The following PLCH1 variants were observed in gnomAD, a reference collection of about 807,000 sequenced individuals.
The protein encoded by PLCH1 is 1-phosphatidylinositol 4,5-bisphosphate phosphodiesterase eta-1.
PLCH1 carries 60 observed loss-of-function variants against 126.7 expected under a neutral mutation model. The ratio of observed to expected loss-of-function variants is 0.47; its 90% CI spans 0.38 to 0.59. The LOEUF (loss-of-function observed/expected upper bound fraction) is 0.59. Among genes scored for constraint, PLCH1 ranks in the 20% least tolerant of loss-of-function variants. The pLI is 0.00. For missense variants in PLCH1, 1,723 were observed against 2,040.0 expected (o/e 0.84, Z 2.99); for synonymous variants, 719 against 734.9 (o/e 0.98, Z 0.35).
At chr3:155,546,624 C>T (rs1455576463) in intron 10 of PLCH1, among the ~76,000 whole-genome samples, 1 of 152,148 alleles carries the variant, frequency 6.6e-6, no homozygotes, top group Admixed American at 6.5e-5. Context: ...CATCACGCTG[C>T]CTGACTTCAA....
intron 2 of PLCH1, among the ~76,000 whole-genome samples, chr3:155,601,022 T>C (rs1234606854): frequency 1.3e-5 from 2 of 152,232 alleles, no homozygotes; most frequent in South Asian, 4.1e-4. Flanking sequence ...TAGCCCAGGC[T>C]GGAGTGCAGT....
rs143942441 is a variant in PLCH1 at position 155,624,642 on chromosome 3, A to T, written c.80-28264T>A. Among the ~76,000 whole-genome samples, 774 of 152,292 alleles carry T rather than the reference A, an allele frequency of 5.1e-3. 8 individuals are homozygous for T. The highest frequency in any genetic ancestry group is 0.018 in the African/African-American group (738 of 41,538). ...AACCATGAGTGAACTCCCATTCACA[A>T]TTGCTACAAGGAGAATAAAATACCT... On this transcript the variant is annotated intron_variant, in intron 2 of 22. Transcript: ENST00000460012.
At chr3:155,689,903 A>T (rs1046332451) in intron 2 of PLCH1, among the ~76,000 whole-genome samples, 4 of 152,154 alleles carry the variant, frequency 2.6e-5, no homozygotes, top group African/African-American at 9.7e-5. Context: ...CTAGGAAAAG[A>T]TATCAACATT....
At chr3:155,689,293 C>T (rs1745196648) in intron 2 of PLCH1, among the ~76,000 whole-genome samples, 1 of 152,072 alleles carries the variant, frequency 6.6e-6, no homozygotes, top group African/African-American at 2.4e-5. Flanking sequence ...ACCTGAAAGT[C>T]TTTCCAAGAA....
At chr3:155,681,434 A>G (rs754740783) in intron 2 of PLCH1, among the ~76,000 whole-genome samples, 1 of 152,240 alleles carries the variant, frequency 6.6e-6, no homozygotes, top group Non-Finnish European at 1.5e-5. Flanking sequence ...GGCAAAAAGC[A>G]CTTACATAAC....
At chr3:155,478,996 A>G (rs570154081), downstream of PLCH1, among the ~76,000 whole-genome samples, 2 of 152,294 alleles carry the variant, frequency 1.3e-5, no homozygotes, top group African/African-American at 4.8e-5. Context: ...TGCTAGAAAC[A>G]TTCCCAACCT....
rs1749792352 is a variant in PLCH1, at chr3:155,743,793, C to T, written c.-41+1047G>A. ...GTGCTGCTGGGTTGTACAAGCTCTG[C>T]TCTTCACCTGGGTTAGGAGGCACAG... On this transcript the variant is annotated intron_variant, in intron 1 of 22. Coordinates refer to ENST00000460012, the MANE Select transcript of PLCH1 (RefSeq NM_014996.4). 4.9e-5 allele frequency: 13 copies of T among 267,544 alleles called. 1 individual carries two copies. The highest frequency in any genetic ancestry group is 4.3e-4 in the South Asian group (13 of 30,006). The allele number at this position is 267,544 out of a possible 1,614,324, so 16.6% of individuals were successfully genotyped here.
At chr3:155,669,182 T>C (rs1415485057) in intron 2 of PLCH1, among the ~76,000 whole-genome samples, 1 of 149,388 alleles carries the variant, frequency 6.7e-6, no homozygotes, top group Admixed American at 6.7e-5. Context: ...ACATTTGTGG[T>C]CAAAAACAGT....
intron 8 of PLCH1, among the ~76,000 whole-genome samples, chr3:155,560,447 A>G (rs1485718678): frequency 1.3e-5 from 2 of 152,190 alleles, no homozygotes; most frequent in Admixed American, 6.5e-5. Context: ...AAGCTACTCA[A>G]TTGTTAATCA....
intron 2 of PLCH1, among the ~76,000 whole-genome samples, chr3:155,637,697 T>A (rs1322828532): frequency 6.6e-6 from 1 of 152,162 alleles, no homozygotes; most frequent in Non-Finnish European, 1.5e-5. Flanking sequence ...ATATTGAAGA[T>A]TAGGAAATGA....
chr3:155,547,742 G>T (rs1440685982), intron 10 of PLCH1, among the ~76,000 whole-genome samples: 5 of 151,732 alleles, frequency 3.3e-5, no homozygotes, highest in Non-Finnish European at 5.9e-5. Flanking sequence ...CCTTTGTAGG[G>T]ACATGGATGA....
chr3:155,741,684 C>CTTTTATTTTTTTTTTATTTTTTTTTTT, intron 1 of PLCH1, among the ~76,000 whole-genome samples: 9 of 102,866 alleles, frequency 8.7e-5, no homozygotes, highest in Non-Finnish European at 1.4e-4. Flanking sequence ...TTTATATCCT[C>CTTTTATTTTTTTTTTATTTTTTTTTTT]TTTTTTTTTT....
chr3:155,545,912 C>A (rs1464978569), intron 10 of PLCH1, among the ~76,000 whole-genome samples: 1 of 152,122 alleles, frequency 6.6e-6, no homozygotes, highest in Non-Finnish European at 1.5e-5. Flanking sequence ...CTATCTATGA[C>A]AAACCCACAG....
intron 1 of PLCH1, among the ~76,000 whole-genome samples, chr3:155,735,072 T>C (rs2109193479): frequency 6.6e-6 from 1 of 152,284 alleles, no homozygotes; most frequent in African/African-American, 2.4e-5. Context: ...GCAACATGGA[T>C]GAACCTGGAG....
chr3:155,688,069 T>A (rs1745089083), intron 2 of PLCH1, among the ~76,000 whole-genome samples: 1 of 152,194 alleles, frequency 6.6e-6, no homozygotes, highest in African/African-American at 2.4e-5. Flanking sequence ...ATAATCATTT[T>A]TACCTATGAA....
intron 12 of PLCH1, 31 bp downstream of exon 12, chr3:155,514,692 T>C: frequency 7.4e-7 from 1 of 1,350,442 alleles, no homozygotes; most frequent in Non-Finnish European, 9.7e-7. Flanking sequence ...TTTTTCCTGT[T>C]GAAGGATAAG....
intron 10 of PLCH1, among the ~76,000 whole-genome samples, chr3:155,541,773 G>C (rs919045882): frequency 2.6e-5 from 4 of 151,966 alleles, no homozygotes; most frequent in Non-Finnish European, 5.9e-5. Context: ...AAACAGTGCC[G>C]AAAGACTTGC....
intron 8 of PLCH1, among the ~76,000 whole-genome samples, chr3:155,560,380 C>T (rs1470897667): frequency 6.6e-6 from 1 of 152,118 alleles, no homozygotes; most frequent in Non-Finnish European, 1.5e-5. Context: ...CATCTTACTG[C>T]TTGAAAGGAT....
chr3:155,455,793 C>T (rs185016380), intron 21 of PLCH1, among the ~76,000 whole-genome samples: 360 of 152,328 alleles, frequency 2.4e-3, no homozygotes, highest in Middle Eastern at 0.01. Context: ...TGTTTTTAAA[C>T]CCATAGGCTA....
Sources: gnomAD v4.1 joint callset for allele counts (sites outside exome capture counted in the v4.1 genomes callset) on GRCh38, gnomAD v4.1.1 for gene constraint, MANE v1.5 for transcripts, NCBI Gene and HGNC (gene_info 2026-07-23, HGNC 2026-07-21) for gene names.